The following MYO5A variants were observed in gnomAD, a reference collection of about 807,000 sequenced individuals.
MYO5A encodes the protein unconventional myosin-Va.
In MYO5A, 98 loss-of-function variants were observed where a neutral mutation model predicts 249.7. That is an observed-to-expected ratio of 0.39 (90% CI 0.33 to 0.46). MYO5A has a LOEUF of 0.46. MYO5A is among the 20% of genes least tolerant of loss of function. The pLI, the probability that MYO5A is intolerant of heterozygous loss-of-function variation, is 0.98. For missense variants in MYO5A, 1,696 were observed against 2,308.8 expected, an observed-to-expected ratio of 0.73 and a Z score of 5.44; for synonymous variants, 778 against 810.6, an observed-to-expected ratio of 0.96 and a Z score of 0.68.
At chr15:52,360,125 G>T in intron 24 of MYO5A, 44 bp from the exon 25 acceptor site, 1 of 1,316,710 alleles carries the variant, frequency 7.6e-7, no homozygotes, top group South Asian at 1.2e-5. Context: ...AACATAATTA[G>T]TCTAGGCATA....
intron 1 of MYO5A, chr15:52,437,990 A>T: frequency 2.1e-6 from 2 of 973,042 alleles, no homozygotes; most frequent in Non-Finnish European, 2.4e-6. Context: ...TGAGGAAAGC[A>T]TCCAAGGAGA....
intron 1 of MYO5A, among the ~76,000 whole-genome samples, chr15:52,446,202 A>C (rs1669865): frequency 0.046 from 7,071 of 152,352 alleles, 239 homozygotes; most frequent in South Asian, 0.14. Flanking sequence ...GTAGAGGGCC[A>C]GGCCTAGGGC....
chr15:52,483,804 T>G (rs1324786536), intron 1 of MYO5A, among the ~76,000 whole-genome samples: 1 of 152,246 alleles, frequency 6.6e-6, no homozygotes, highest in East Asian at 1.9e-4. Context: ...GCCCTAATTG[T>G]GGTTCCTGAA....
chr15:52,511,198 C>A (rs574621192), intron 1 of MYO5A, among the ~76,000 whole-genome samples: 1 of 152,342 alleles, frequency 6.6e-6, no homozygotes, highest in African/African-American at 2.4e-5. Flanking sequence ...TGAATGCCTT[C>A]TGAAGAACCA....
At chr15:52,341,452 GCATTGGCA>G (rs2039380744) in intron 31 of MYO5A, among the ~76,000 whole-genome samples, 1 of 152,198 alleles carries the variant, frequency 6.6e-6, no homozygotes, top group South Asian at 2.1e-4. Context: ...AGCAGACCAG[GCATTGGCA>G]GTGAGAACAC....
rs2140893136 is a variant in MYO5A, at chr15:52,308,521, T to C, written c.*5175A>G. On this transcript the variant is annotated 3_prime_UTR_variant, in exon 42 of 42. Coordinates refer to ENST00000399233, the MANE Select transcript of MYO5A (RefSeq NM_001382347.1). Reference sequence around the variant, plus strand: ...TAAGTATTACCAAGAATCTAACTTATCTCCATAATTTCTTTCATATATTCA... The same window carrying C: ...TAAGTATTACCAAGAATCTAACTTACCTCCATAATTTCTTTCATATATTCA... 6.6e-6 allele frequency: 1 copy of C among 152,310 alleles called. No homozygotes were observed. The highest frequency in any genetic ancestry group is 1.5e-5 in the Non-Finnish European group (1 of 68,024). 9.4% of individuals were successfully genotyped at this position (152,310 alleles called of 1,614,324 possible).
intron 29 of MYO5A, among the ~76,000 whole-genome samples, chr15:52,347,385 C>T (rs2039693869): frequency 6.6e-6 from 1 of 152,168 alleles, no homozygotes; most frequent in African/African-American, 2.4e-5. Context: ...CAATATACTT[C>T]AGAACCCAGT....
At chr15:52,463,546 A>G (rs1335502879) in intron 1 of MYO5A, among the ~76,000 whole-genome samples, 1 of 152,146 alleles carries the variant, frequency 6.6e-6, no homozygotes, top group African/African-American at 2.4e-5. Flanking sequence ...CTTCTCTTAC[A>G]GACATTTTCA....
At chr15:52,498,535 T>C (rs1322934235) in intron 1 of MYO5A, among the ~76,000 whole-genome samples, 1 of 152,220 alleles carries the variant, frequency 6.6e-6, no homozygotes, top group Non-Finnish European at 1.5e-5. Flanking sequence ...ACCTCTTCAT[T>C]TTAATGTGCA....
intron 1 of MYO5A, among the ~76,000 whole-genome samples, chr15:52,437,173 T>C (rs1289943386): frequency 6.6e-6 from 1 of 152,212 alleles, no homozygotes; most frequent in African/African-American, 2.4e-5. Context: ...ACTAAAGCCT[T>C]ACTCATGTAA....
At chr15:52,445,044 G>A (rs886103604) in intron 1 of MYO5A, among the ~76,000 whole-genome samples, 6 of 137,648 alleles carry the variant, frequency 4.4e-5, no homozygotes, top group African/African-American at 1.5e-4. Context: ...TTTGGGAATC[G>A]ACACTTCTAG....
In MYO5A at chr15:52,308,540, A is replaced by G. The variant is rs141706006; in HGVS notation, c.*5156T>C. 4 of 152,320 alleles carry G rather than the reference A, an allele frequency of 2.6e-5. No homozygotes were observed. The East Asian group carries it at 7.7e-4, about 29-fold the overall frequency. 9.4% of individuals were successfully genotyped at this position (152,320 alleles called of 1,614,324 possible). A position where few individuals can be genotyped will look rare whatever the true frequency, so the allele number is the denominator to read the frequency against. On this transcript the variant is annotated 3_prime_UTR_variant, in exon 42 of 42. Coordinates refer to ENST00000399233, the MANE Select transcript of MYO5A (RefSeq NM_001382347.1). ...AACTTATCTCCATAATTTCTTTCAT[A>G]TATTCATTTGCTTACTTGTGACACA...
At chr15:52,325,183 G>A (rs188064800) in intron 36 of MYO5A, among the ~76,000 whole-genome samples, 6 of 152,222 alleles carry the variant, frequency 3.9e-5, no homozygotes, top group Admixed American at 2.6e-4. Flanking sequence ...GGTCACTGTC[G>A]GGCTATGGGA....
intron 1 of MYO5A, among the ~76,000 whole-genome samples, chr15:52,475,336 C>T (rs139677921): frequency 0.15 from 22,432 of 152,082 alleles, 1,784 homozygotes; most frequent in Middle Eastern, 0.22. Context: ...TTCAAAAAAC[C>T]AGGTCCTGGA....
rs1457317532 is a variant in MYO5A, at chr15:52,340,590, C to A, written c.4041-196G>T. ...GAAACGGGTGCTCTCACATTTGTGT[C>A]TTTCTGCATTATATAAAGTTCTCAG... On this transcript the variant is annotated intron_variant, in intron 31 of 41. Transcript: ENST00000399233. Among the ~76,000 whole-genome samples, 11 of 152,162 alleles carry A rather than the reference C, an allele frequency of 7.2e-5. No individual in the cohort carries two copies. In the East Asian group the frequency reaches 2.1e-3, roughly 29 times the overall value.
intron 25 of MYO5A, among the ~76,000 whole-genome samples, chr15:52,354,855 CAAA>C (rs568281513): frequency 8.0e-5 from 7 of 87,960 alleles, no homozygotes; most frequent in Non-Finnish European, 1.2e-4. Flanking sequence ...CTCCATCTCA[CAAA>C]AAAAAAAAAA....
chr15:52,396,404 C>T lies in MYO5A; in HGVS notation c.1320-7G>A, dbSNP rs2042485639. ...TATCTCAAATGTTTCAAATCTGTAA[C>T]CACAAAAATAATATGAAAAGGGGAG... On this transcript the variant is annotated splice_polypyrimidine_tract_variant and splice_region_variant and intron_variant, in intron 10 of 41. Transcript: ENST00000399233. The T allele has an allele frequency of 6.7e-7, 1 of 1,498,324 alleles. No individual in the cohort carries two copies. Among genetic ancestry groups the T allele is most frequent in the African/African-American group, 1.4e-5 (1 of 72,512 alleles). 92.8% of individuals were successfully genotyped at this position (1,498,324 alleles called of 1,614,324 possible). A position where few individuals can be genotyped will look rare whatever the true frequency, so the allele number is the denominator to read the frequency against.
At chr15:52,436,636 GA>G (rs2075669235) in intron 1 of MYO5A, among the ~76,000 whole-genome samples, 1 of 152,082 alleles carries the variant, frequency 6.6e-6, no homozygotes, top group African/African-American at 2.4e-5. Context: ...TCCTTCATTA[GA>G]ACATAAGTTC....
At chr15:52,486,849 C>T (rs1184143517) in intron 1 of MYO5A, among the ~76,000 whole-genome samples, 1 of 152,140 alleles carries the variant, frequency 6.6e-6, no homozygotes, top group Non-Finnish European at 1.5e-5. Flanking sequence ...ACAACTGAGG[C>T]TCTATAGAAG....
Sources: gnomAD v4.1 joint callset for allele counts (sites outside exome capture counted in the v4.1 genomes callset) on GRCh38, gnomAD v4.1.1 for gene constraint, MANE v1.5 for transcripts, NCBI Gene and HGNC (gene_info 2026-07-23, HGNC 2026-07-21) for gene names.